The following NXN variants were observed in gnomAD, a reference collection of about 807,000 sequenced individuals.
The protein encoded by NXN is nucleoredoxin 1.
A neutral mutation model predicts 48.6 loss-of-function variants in NXN; 16 were observed. That is an observed-to-expected ratio of 0.33 (90% CI 0.22 to 0.50). The LOEUF (loss-of-function observed/expected upper bound fraction) is 0.50, where lower values mean the gene tolerates loss of function less well. Ranked by LOEUF, NXN falls within the 20% of genes least tolerant of loss-of-function variation. The probability of loss-of-function intolerance (pLI) is 0.98; values close to 1 mark genes in which losing one functional copy is unlikely to be tolerated. For synonymous variants in NXN, 281 were observed against 269.6 expected, an observed-to-expected ratio of 1.04 and a Z score of -0.41; for missense variants, 492 against 605.5, an observed-to-expected ratio of 0.81 and a Z score of 1.97.
Position 818,661 on chromosome 17 carries a change from A to G in NXN, c.820+778T>C, listed in dbSNP as rs533520898. ...AGCACTTTGGGAGGTCGAGGCGGGC[A>G]GATCACGAGGTCAAGAGATCGAGAC... On this transcript the variant is annotated intron_variant, in intron 5 of 7. Transcript: ENST00000336868. Among the ~76,000 whole-genome samples, 205 of 152,266 alleles carry G rather than the reference A, an allele frequency of 1.3e-3. 1 individual carries two copies. The highest frequency in any genetic ancestry group is 4.8e-3 in the African/African-American group (199 of 41,556).
chr17:928,925 A>ACG (rs879616950), intron 1 of NXN, among the ~76,000 whole-genome samples: 18 of 152,326 alleles, frequency 1.2e-4, no homozygotes, highest in Admixed American at 1.2e-3. Context: ...AATGGCCTAA[A>ACG]CGCGTAATCA....
At chr17:806,921 TACACACACACACACACACACACAC>T (rs5818767) in intron 5 of NXN, among the ~76,000 whole-genome samples, 18 of 148,210 alleles carry the variant, frequency 1.2e-4, no homozygotes, top group Non-Finnish European at 2.5e-4. Flanking sequence ...CACACTCACA[TACACACACACACACACACACACAC>T]ACGCACGCGC....
intron 1 of NXN, among the ~76,000 whole-genome samples, chr17:877,217 G>A (rs577578551): frequency 1.3e-4 from 19 of 151,662 alleles, no homozygotes; most frequent in Admixed American, 3.9e-4. Context: ...GCATGATCTC[G>A]GCTCACTGCA....
chr17:865,665 A>G (rs2144792282), intron 1 of NXN, among the ~76,000 whole-genome samples: 1 of 152,134 alleles, frequency 6.6e-6, no homozygotes, highest in African/African-American at 2.4e-5. Context: ...ACAGATATGC[A>G]TGTGTGAAGT....
chr17:916,829 T>G (rs1346518160), intron 1 of NXN, among the ~76,000 whole-genome samples: 3 of 151,794 alleles, frequency 2.0e-5, no homozygotes, highest in Non-Finnish European at 2.9e-5. Flanking sequence ...ACCCGGGAGG[T>G]GGAGGTTGCA....
At chr17:895,256 A>G (rs931796578) in intron 1 of NXN, among the ~76,000 whole-genome samples, 5 of 147,796 alleles carry the variant, frequency 3.4e-5, no homozygotes, top group East Asian at 4.0e-4. Context: ...ACCTCAGGTG[A>G]TCTGCCTGCC....
At position 800,939 on chromosome 17, in the gene NXN, C is replaced by T. The variant is rs375379482; in HGVS notation, c.*10G>A. Reference sequence around the variant, plus strand: ...AGTTTTAAATAACGTCTCAGGAGGCCGGAGCCACGCTAGATGGGCTCCGGT... The same window carrying T: ...AGTTTTAAATAACGTCTCAGGAGGCTGGAGCCACGCTAGATGGGCTCCGGT... On this transcript the variant is annotated 3_prime_UTR_variant, in exon 8 of 8. Transcript: ENST00000336868. 1.2e-5 allele frequency: 17 copies of T among 1,429,128 alleles called. No individual in the cohort carries two copies. The highest frequency in any genetic ancestry group is 5.4e-5 in the East Asian group (2 of 36,974). The allele number at this position is 1,429,128 out of a possible 1,614,324, so 88.5% of individuals were successfully genotyped here.
intron 1 of NXN, among the ~76,000 whole-genome samples, chr17:839,955 G>T (rs539329024): frequency 6.6e-6 from 1 of 151,868 alleles, no homozygotes; most frequent in East Asian, 1.9e-4. Flanking sequence ...CAATTAGCTG[G>T]GCAAGGAGAC....
rs1392500485 is a variant in NXN at position 978,486 on chromosome 17, C to T, written c.360+833G>A. 1 of 152,390 alleles carries T rather than the reference C, an allele frequency of 6.6e-6. No individual in the cohort carries two copies. The highest frequency in any genetic ancestry group is 1.9e-4 in the East Asian group (1 of 5,196). The allele number at this position is 152,390 out of a possible 1,614,324, so 9.4% of individuals were successfully genotyped here. A position where few individuals can be genotyped will look rare whatever the true frequency, so the allele number is the denominator to read the frequency against. On this transcript the variant is annotated intron_variant, in intron 1 of 7. Transcript: ENST00000336868. This position sits in a 1 kb window ranked among gnomAD's most constrained non-coding sequence, Gnocchi z 4.1. ...TGTGCATCGATGGGGTCAGCTCAGC[C>T]CTTAACTCGAAGACCCCGGGACCAC...
rs1341090228 is a variant in NXN at position 849,123 on chromosome 17, C to T, written c.361-23045G>A. ...CCCTGGGACGGCAGTCCCCACCCCACCCACACCCTTTGTTCCACGGCAGGC... is the reference window on the plus strand; with the variant it reads ...CCCTGGGACGGCAGTCCCCACCCCATCCACACCCTTTGTTCCACGGCAGGC... On this transcript the variant is annotated intron_variant, in intron 1 of 7. Transcript: ENST00000336868. This position sits in a 1 kb window ranked among gnomAD's most constrained non-coding sequence, Gnocchi z 4.2. Among the ~76,000 whole-genome samples, 1 of 152,164 alleles carries T rather than the reference C, an allele frequency of 6.6e-6. No homozygotes were observed. The highest frequency in any genetic ancestry group is 1.5e-5 in the Non-Finnish European group (1 of 68,030).
chr17:945,474 G>A (rs553973605), intron 1 of NXN, among the ~76,000 whole-genome samples: 3 of 150,190 alleles, frequency 2.0e-5, no homozygotes, highest in Admixed American at 6.6e-5. Flanking sequence ...CTAAAAATAC[G>A]AAAAAAATTA....
At chr17:833,025 G>A (rs555105460) in intron 1 of NXN, among the ~76,000 whole-genome samples, 1 of 152,090 alleles carries the variant, frequency 6.6e-6, no homozygotes, top group East Asian at 1.9e-4. Flanking sequence ...CGAGTAGCTG[G>A]GACTACAGGC....
chr17:970,440 T>A (rs2069360979), intron 1 of NXN, among the ~76,000 whole-genome samples: 1 of 151,888 alleles, frequency 6.6e-6, no homozygotes. Context: ...AGCCAAATCA[T>A]TAAAAAGGCC....
intron 1 of NXN, among the ~76,000 whole-genome samples, chr17:855,847 C>T (rs992072758): frequency 2.5e-4 from 38 of 152,106 alleles, no homozygotes; most frequent in African/African-American, 8.7e-4. Context: ...AAAATGATTC[C>T]TGTCATGGGA....
rs555063250 is a variant in NXN, at chr17:822,270, A to G, written c.713+87T>C. 4.3e-6 allele frequency: 4 copies of G among 928,316 alleles called. No homozygotes were observed. The Admixed American group carries it at 7.9e-5, about 18-fold the overall frequency. The allele number at this position is 928,316 out of a possible 1,614,324, so 57.5% of individuals were successfully genotyped here. A position where few individuals can be genotyped will look rare whatever the true frequency, so the allele number is the denominator to read the frequency against. The stretch of plus-strand genomic sequence containing the variant: ...CTCCAGCCTGGGAGACAAGAGCAAG[A>G]CTCTGTCTCAGAAAAAAAAGAAAAG... On this transcript the variant is annotated intron_variant, in intron 4 of 7. Transcript: ENST00000336868.
chr17:889,686 GAAGA>G (rs1192465600), intron 1 of NXN, among the ~76,000 whole-genome samples: 237 of 120,004 alleles, frequency 2.0e-3, no homozygotes, highest in Admixed American at 4.5e-3. Context: ...GAAAAGAAAA[GAAGA>G]AAGAAAGAAA....
chr17:939,438 C>T (rs1207859509), intron 1 of NXN, among the ~76,000 whole-genome samples: 1 of 150,958 alleles, frequency 6.6e-6, no homozygotes, highest in Non-Finnish European at 1.5e-5. Flanking sequence ...CTCTGCCTCG[C>T]AGGTTCAAGT....
chr17:977,098 G>T (rs2069469538), intron 1 of NXN, among the ~76,000 whole-genome samples: 1 of 152,136 alleles, frequency 6.6e-6, no homozygotes. Context: ...CGTAGCTTTT[G>T]TAATTTCCAA....
intron 1 of NXN, among the ~76,000 whole-genome samples, chr17:923,554 A>T (rs1190342015): frequency 1.3e-5 from 2 of 152,250 alleles, no homozygotes; most frequent in Admixed American, 1.3e-4. Context: ...TTTTAAAATA[A>T]AGGCCATCCC....
Sources: gnomAD v4.1 joint callset for allele counts (sites outside exome capture counted in the v4.1 genomes callset) on GRCh38, gnomAD v4.1.1 for gene constraint, Gnocchi (gnomAD v3.1) non-coding constraint, MANE v1.5 for transcripts, NCBI Gene and HGNC (gene_info 2026-07-23, HGNC 2026-07-21) for gene names.